Variants in FYB1 observed in about 807,000 individuals in gnomAD.
FYB1 encodes the protein FYN-binding protein 1.
FYB1 carries 41 observed loss-of-function variants against 94.1 expected under a neutral mutation model. The ratio of observed to expected loss-of-function variants is 0.44; its 90% CI spans 0.34 to 0.57. FYB1 has a LOEUF of 0.57. FYB1 is among the 20% of genes least tolerant of loss of function. The pLI is 0.02. For missense variants in FYB1, 1,050 were observed against 976.8 expected, an observed-to-expected ratio of 1.07 and a Z score of -1.00; for synonymous variants, 367 against 353.2, an observed-to-expected ratio of 1.04 and a Z score of -0.44.
intron 1 of FYB1, among the ~76,000 whole-genome samples, chr5:39,203,439 G>C (rs1259448580): frequency 6.6e-6 from 1 of 152,092 alleles, no homozygotes; most frequent in Non-Finnish European, 1.5e-5. Flanking sequence ...AATTGAGGCT[G>C]TGTGCTTCAT....
chr5:39,148,389 T>G (rs1178063589), intron 3 of FYB1, among the ~76,000 whole-genome samples: 6 of 87,114 alleles, frequency 6.9e-5, no homozygotes, highest in East Asian at 4.6e-4. Context: ...AGGTTTTTTT[T>G]TTTTTTTTTT....
chr5:39,110,519 G>T, intron 16 of FYB1, 130 bp from the exon 17 acceptor site: 1 of 507,008 alleles, frequency 2.0e-6, no homozygotes, highest in East Asian at 3.4e-5. Context: ...CTCTGGAAAT[G>T]ACCCATTTTT....
intron 1 of FYB1, among the ~76,000 whole-genome samples, chr5:39,249,099 T>G (rs1484543013): frequency 1.3e-5 from 2 of 152,208 alleles, no homozygotes; most frequent in African/African-American, 4.8e-5. Flanking sequence ...TTCTCCTTCA[T>G]CACTGAAATT....
chr5:39,270,485 C>T, intron 1 of FYB1: 1 of 1,311,488 alleles, frequency 7.6e-7, no homozygotes, highest in Non-Finnish European at 1.0e-6. Context: ...GACTGTGAAG[C>T]ACCCTCAACT....
At chr5:39,139,772 G>A (rs1402218942) in intron 4 of FYB1, 2 of 152,164 alleles carry the variant, frequency 1.3e-5, no homozygotes, top group African/African-American at 2.4e-5. Context: ...AAAACAGTGT[G>A]GTGTTGGTAT....
At chr5:39,204,802 A>G (rs1748696001) in intron 1 of FYB1, among the ~76,000 whole-genome samples, 1 of 152,228 alleles carries the variant, frequency 6.6e-6, no homozygotes, top group Admixed American at 6.5e-5. Flanking sequence ...GGATTTAGGC[A>G]GGAACAGAAA....
chr5:39,268,263 G>A (rs930321249), intron 1 of FYB1, among the ~76,000 whole-genome samples: 1 of 149,528 alleles, frequency 6.7e-6, no homozygotes, highest in Non-Finnish European at 1.5e-5. Context: ...TTGAATACAG[G>A]GTTGCCTGGG....
intron 1 of FYB1, among the ~76,000 whole-genome samples, chr5:39,214,973 G>A (rs1421416567): frequency 6.6e-6 from 1 of 152,124 alleles, no homozygotes; most frequent in African/African-American, 2.4e-5. Context: ...TGTACCTAGA[G>A]TAGTCAAATT....
rs192503887 is a variant in FYB1, at chr5:39,205,762, G to A, written c.-27-2775C>T. ...CACAGGCTCTGGGGTTATGACTTGA[G>A]TTCAAACCTTGACTTTGCCATTTTA... On this transcript the variant is annotated intron_variant, in intron 1 of 18. Transcript: ENST00000512982. Among the ~76,000 whole-genome samples, 268 of 152,258 alleles carry A rather than the reference G, an allele frequency of 1.8e-3. 5 individuals are homozygous for A. The South Asian group carries it at 0.028, about 16-fold the overall frequency.
At chr5:39,197,630 C>G (rs1465251754) in intron 2 of FYB1, among the ~76,000 whole-genome samples, 2 of 152,226 alleles carry the variant, frequency 1.3e-5, no homozygotes, top group Non-Finnish European at 2.9e-5. Flanking sequence ...CAATGACCTT[C>G]GAAAACTGCC....
chr5:39,236,129 G>T (rs1416335937), intron 1 of FYB1, among the ~76,000 whole-genome samples: 3 of 150,944 alleles, frequency 2.0e-5, no homozygotes, highest in Non-Finnish European at 4.4e-5. Context: ...GATTTTAAAA[G>T]GTACTTTATA....
chr5:39,238,763 G>C (rs551035094), intron 1 of FYB1, among the ~76,000 whole-genome samples: 36 of 152,216 alleles, frequency 2.4e-4, no homozygotes, highest in Non-Finnish European at 4.7e-4. Context: ...AGATGATTAA[G>C]CCTAAAGGAA....
Position 39,147,211 on chromosome 5 carries a change from C to A in FYB1, c.1293-6070G>T, listed in dbSNP as rs1290808281. Among the ~76,000 whole-genome samples the A allele has an allele frequency of 2.0e-5, 3 of 151,828 alleles. No homozygotes were observed. The East Asian group carries it at 5.8e-4, about 29-fold the overall frequency. On this transcript the variant is annotated intron_variant, in intron 3 of 18. Transcript: ENST00000512982. ...GTTAATGACTGTCATTTTTAGAAAG[C>A]TTATTAGTGCTTTATTTCCTGATGT...
upstream of FYB1, among the ~76,000 whole-genome samples, chr5:39,221,571 G>T (rs1750266926): frequency 6.6e-6 from 1 of 152,200 alleles, no homozygotes; most frequent in African/African-American, 2.4e-5. Context: ...CTGCATGGGG[G>T]CAGAAGAGTT....
intron 1 of FYB1, among the ~76,000 whole-genome samples, chr5:39,206,934 T>C (rs890985219): frequency 4.6e-5 from 7 of 152,226 alleles, no homozygotes; most frequent in African/African-American, 1.7e-4. Context: ...GGTGGATATA[T>C]GATCAGCAAC....
chr5:39,242,701 C>G (rs10051140), intron 1 of FYB1, among the ~76,000 whole-genome samples: 4 of 151,718 alleles, frequency 2.6e-5, no homozygotes, highest in African/African-American at 7.3e-5. Flanking sequence ...TCTAGATCCC[C>G]GAGGAATCAC....
intron 2 of FYB1, among the ~76,000 whole-genome samples, chr5:39,168,933 C>T (rs1026767504): frequency 6.6e-6 from 1 of 151,984 alleles, no homozygotes; most frequent in African/African-American, 2.4e-5. Context: ...AGGTGAACAC[C>T]ACCAGCATCT....
intron 1 of FYB1, among the ~76,000 whole-genome samples, chr5:39,264,003 C>G (rs1752326583): frequency 1.3e-5 from 2 of 152,132 alleles, no homozygotes; most frequent in African/African-American, 4.8e-5. Flanking sequence ...ATCCTATCCT[C>G]CAAGATGATG....
chr5:39,157,429 A>T (rs2150367101), intron 2 of FYB1, among the ~76,000 whole-genome samples: 1 of 152,272 alleles, frequency 6.6e-6, no homozygotes, highest in South Asian at 2.1e-4. Flanking sequence ...CTAAATTCAG[A>T]TGCCTTAGAA....
Sources: allele counts gnomAD v4.1 joint callset (sites outside exome capture counted in the v4.1 genomes callset), GRCh38; gene constraint gnomAD v4.1.1; transcripts MANE v1.5; gene names NCBI Gene and HGNC (gene_info 2026-07-23, HGNC 2026-07-21).